PUM1: variants seen among roughly 807,000 people sequenced by gnomAD.
PUM1 encodes pumilio homolog 1.
Under a neutral mutation model 131.8 loss-of-function variants are expected in PUM1, and 13 were observed. That is an observed-to-expected ratio of 0.10 (90% CI 0.06 to 0.16). The LOEUF (loss-of-function observed/expected upper bound fraction) is 0.16, where lower values mean the gene tolerates loss of function less well. Among genes scored for constraint, PUM1 ranks in the 10% least tolerant of loss-of-function variants. The probability of loss-of-function intolerance (pLI) is 1.00; values close to 1 mark genes in which losing one functional copy is unlikely to be tolerated. For missense variants in PUM1, 961 were observed against 1,512.4 expected (o/e 0.64, Z 6.05); for synonymous variants, 509 against 556.5 (o/e 0.91, Z 1.20).
At chr1:31,023,467 T>C (rs1337888123) in intron 3 of PUM1, among the ~76,000 whole-genome samples, 1 of 152,188 alleles carries the variant, frequency 6.6e-6, no homozygotes. Context: ...CCAATTCTAT[T>C]AAGACACTGT....
chr1:31,010,868 A>C (rs1314177386), intron 3 of PUM1, among the ~76,000 whole-genome samples: 1 of 152,220 alleles, frequency 6.6e-6, no homozygotes, highest in Non-Finnish European at 1.5e-5. Flanking sequence ...TATGAGGCTT[A>C]AACAACTGTC....
rs545471830 is a variant in PUM1 at position 30,986,252 on chromosome 1, G to T, written c.1159-4847C>A. Among the ~76,000 whole-genome samples the T allele has an allele frequency of 1.6e-4, 25 of 152,264 alleles. 1 individual carries two copies. Among genetic ancestry groups the T allele is most frequent in the African/African-American group, 5.8e-4 (24 of 41,562 alleles). On this transcript the variant is annotated intron_variant, in intron 7 of 21. Transcript: ENST00000426105. Reference sequence around the variant, plus strand: ...TTACAGGCATGAGCCACCATGCTTGGCCTCTTATGTGTAAAAATAAAATAG... The same window carrying T: ...TTACAGGCATGAGCCACCATGCTTGTCCTCTTATGTGTAAAAATAAAATAG...
intron 2 of PUM1, among the ~76,000 whole-genome samples, 195 bp from the exon 3 acceptor site, chr1:31,029,059 TC>T (rs897192342): frequency 1.2e-4 from 19 of 152,138 alleles, no homozygotes; most frequent in Non-Finnish European, 2.1e-4. Context: ...CCCTACTTTC[TC>T]CCCTCCCATT....
chr1:30,965,995 C>T lies in PUM1; in HGVS notation c.2073G>A (p.Gly691=), dbSNP rs202132169. Residue 691 remains glycine, a synonymous_variant, in exon 13 of 22, where the codon GGG becomes GGA. Transcript: ENST00000426105. ...TCTAATTTCTACCTGCTGTTCCAAA[C>T]CCTCCAAGGGCGGATCCCAGGGTGG... is the stretch of plus-strand genomic sequence containing the variant. ...LGATLGSALG[G]FGTAVANSNT... 235 of 1,612,946 alleles carry T rather than the reference C, an allele frequency of 1.5e-4. No homozygotes were observed. The Middle Eastern group carries it at 2.0e-3, about 14-fold the overall frequency.
chr1:31,018,175 T>G (rs1304389146), intron 3 of PUM1, among the ~76,000 whole-genome samples: 1 of 151,488 alleles, frequency 6.6e-6, no homozygotes, highest in Non-Finnish European at 1.5e-5. Flanking sequence ...CATGGTAAAC[T>G]CTCATCTCTG....
chr1:31,046,302 C>T (rs751133132), intron 2 of PUM1, among the ~76,000 whole-genome samples: 75 of 152,016 alleles, frequency 4.9e-4, no homozygotes, highest in Non-Finnish European at 8.4e-4. Flanking sequence ...AGGAGAATTG[C>T]TTGAACCCGG....
chr1:30,965,024 G>T, intron 13 of PUM1, 114 bp from the exon 14 acceptor site: 1 of 771,334 alleles, frequency 1.3e-6, no homozygotes, highest in Non-Finnish European at 2.2e-6. Flanking sequence ...AAATTTGTCA[G>T]CAGAGACAGC....
intron 3 of PUM1, among the ~76,000 whole-genome samples, chr1:31,027,861 G>A (rs1643282919): frequency 6.6e-6 from 1 of 152,058 alleles, no homozygotes; most frequent in South Asian, 2.1e-4. Flanking sequence ...TATAAATGAG[G>A]ACCCTAGAAT....
chr1:30,944,037 C>G (rs1245146946), intron 18 of PUM1, among the ~76,000 whole-genome samples: 1 of 152,148 alleles, frequency 6.6e-6, no homozygotes, highest in Admixed American at 6.6e-5. Flanking sequence ...ATATTCTCTC[C>G]TGGTGGATTT....
chr1:30,966,213 G>T lies in PUM1; in HGVS notation c.1855C>A (p.Pro619Thr). 6.2e-7 allele frequency: 1 copy of T among 1,613,728 alleles called. No homozygotes were observed. The highest frequency in any genetic ancestry group is 8.5e-7 in the Non-Finnish European group (1 of 1,179,708). The part of the protein sequence containing the change: ...AGGLAGTTNG[P>T]FRPLGTQQPQ... ...TGCTGTGTTCCTAAAGGGCGAAATG[G>T]TCCATTTGTTGTTCCAGCAAGACCA... The change falls in exon 13 of 22, where the codon CCA becomes ACA. Residue 619 changes from proline (P) to threonine (T), a missense_variant. Pro to Thr is a conservative substitution (Grantham distance 38). Around this residue, in one of 4 missense-constraint regions of PUM1, gnomAD observed 654 missense variants for 923.9 expected, o/e 0.71. Coordinates refer to ENST00000426105, the MANE Select transcript of PUM1 (RefSeq NM_001020658.2).
chr1:31,040,522 A>C (rs993536130), intron 2 of PUM1, among the ~76,000 whole-genome samples: 2 of 152,224 alleles, frequency 1.3e-5, no homozygotes, highest in African/African-American at 4.8e-5. Context: ...AACTGCACAA[A>C]CTATAAAAAT....
intron 12 of PUM1, 166 bp downstream of exon 12, chr1:30,967,001 G>T: frequency 2.9e-6 from 2 of 700,330 alleles, no homozygotes; most frequent in South Asian, 3.2e-5. Flanking sequence ...ACAAAAAGGA[G>T]AATCCACTAA....
chr1:30,952,429 C>T (rs1639971831), intron 15 of PUM1, 66 bp from the exon 16 acceptor site: 1 of 1,607,936 alleles, frequency 6.2e-7, no homozygotes, highest in East Asian at 2.2e-5. Context: ...ATCAGTGTAC[C>T]TCGGTTTATA....
At chr1:30,977,619 A>C (rs1641191002) in intron 9 of PUM1, among the ~76,000 whole-genome samples, 1 of 152,186 alleles carries the variant, frequency 6.6e-6, no homozygotes, top group Non-Finnish European at 1.5e-5. Context: ...CAAAGAATAC[A>C]CATTTTCATA....
intron 1 of PUM1, chr1:31,062,010 T>C (rs1331969726): frequency 6.6e-6 from 1 of 152,192 alleles, no homozygotes; most frequent in East Asian, 1.9e-4. Flanking sequence ...CACAAAAGCA[T>C]TGAAAGGTAG....
At chr1:31,032,728 G>A (rs1257889804) in intron 2 of PUM1, among the ~76,000 whole-genome samples, 1 of 152,160 alleles carries the variant, frequency 6.6e-6, no homozygotes, top group East Asian at 1.9e-4. Context: ...GACTGCTTGA[G>A]CCTCGGAGAT....
chr1:31,044,975 A>G (rs560651225), intron 2 of PUM1, among the ~76,000 whole-genome samples: 1 of 152,132 alleles, frequency 6.6e-6, no homozygotes, highest in East Asian at 1.9e-4. Context: ...ACGCCCAGCT[A>G]GTTTTTGTAT....
chr1:30,936,577 TTG>T, intron 21 of PUM1, 64 bp downstream of exon 21: 11 of 1,449,142 alleles, frequency 7.6e-6, no homozygotes, highest in Non-Finnish European at 1.0e-5. Flanking sequence ...CCACCCTCCT[TTG>T]TGTTTCAGAA....
intron 21 of PUM1, 97 bp from the exon 22 acceptor site, chr1:30,933,439 T>TACACATAC (rs1553142806): frequency 1.1e-4 from 40 of 363,982 alleles, no homozygotes; most frequent in East Asian, 1.8e-4. Flanking sequence ...CACACACACA[T>TACACATAC]ACACACACAC....
Sources: gnomAD v4.1 joint callset for allele counts (sites outside exome capture counted in the v4.1 genomes callset) on GRCh38, gnomAD v4.1.1 for gene constraint, gnomAD v4.1.1 regional missense constraint, MANE v1.5 for transcripts, NCBI Gene and HGNC (gene_info 2026-07-23, HGNC 2026-07-21) for gene names.